Variants in FBN1 observed in about 807,000 individuals in gnomAD.
FBN1 encodes the protein fibrillin-1.
FBN1 carries 29 observed loss-of-function variants against 365.1 expected under a neutral mutation model. That is an observed-to-expected ratio of 0.08 (90% confidence interval 0.06 to 0.11). FBN1 has a LOEUF of 0.11. FBN1 is among the 10% of genes least tolerant of loss of function. The pLI is 1.00. For synonymous variants in FBN1, 1,210 were observed against 1,270.5 expected (o/e 0.95, Z 1.01); for missense variants, 2,476 against 3,703.2 (o/e 0.67, Z 8.60).
intron 6 of FBN1, among the ~76,000 whole-genome samples, chr15:48,589,771 G>T (rs1206259651): frequency 6.6e-6 from 1 of 151,804 alleles, no homozygotes; most frequent in Non-Finnish European, 1.5e-5. Context: ...CCACCACCAC[G>T]CCCGGCTAAT....
Position 48,568,490 on chromosome 15 carries a change from G to A in FBN1, c.538+27793C>T, listed in dbSNP as rs2044278587. ...TCAAAATCTCAATGCAATGTTTTGTGGAAACTGACAAGTTGAAGGTAAAAT... is the reference window on the plus strand; with the variant it reads ...TCAAAATCTCAATGCAATGTTTTGTAGAAACTGACAAGTTGAAGGTAAAAT... On this transcript the variant is annotated intron_variant, in intron 6 of 65. Transcript: ENST00000316623. 2.6e-5 allele frequency among the ~76,000 whole-genome samples: 4 copies of A among 152,108 alleles called. No homozygotes were observed. In the South Asian group the frequency reaches 8.3e-4, roughly 32 times the overall value.
In FBN1 at chr15:48,413,009, T is replaced by C. The variant is rs16960901; in HGVS notation, c.8052-266A>G. On this transcript the variant is annotated intron_variant, in intron 64 of 65. Transcript: ENST00000316623. Reference sequence around the variant, plus strand: ...TATCTCTTCATTCCCAAACCTAACATGGAAAGCATTTTGCAGTACTTATAC... The same window carrying C: ...TATCTCTTCATTCCCAAACCTAACACGGAAAGCATTTTGCAGTACTTATAC... Among the ~76,000 whole-genome samples, 99,645 of 152,100 alleles carry C rather than the reference T, an allele frequency of 0.66. 34,031 individuals carry two copies. Among genetic ancestry groups the C allele is most frequent in the Middle Eastern group, 0.78 (228 of 294 alleles).
intron 32 of FBN1, among the ~76,000 whole-genome samples, chr15:48,477,786 A>G (rs1432773659): frequency 6.6e-6 from 1 of 152,242 alleles, no homozygotes; most frequent in Non-Finnish European, 1.5e-5. Context: ...TAAGAATAGC[A>G]TAAGCCAAGA....
At chr15:48,439,085 G>T (rs1322311655) in intron 50 of FBN1, among the ~76,000 whole-genome samples, 2 of 152,132 alleles carry the variant, frequency 1.3e-5, no homozygotes, top group Non-Finnish European at 2.9e-5. Context: ...AGTCTCACCA[G>T]CTTTTATTTC....
intron 43 of FBN1, among the ~76,000 whole-genome samples, chr15:48,458,350 T>C (rs1240129681): frequency 6.6e-6 from 1 of 152,212 alleles, no homozygotes; most frequent in Non-Finnish European, 1.5e-5. Flanking sequence ...TGATTTTGTG[T>C]GAAGGCAAAA....
Position 48,644,809 on chromosome 15 carries a change from GC to G in FBN1, c.-41del. ...ACCGGCTCCCGCCGCCTCTTGCCGC[GC>G]CCGGGGCTCGGTCTGCGGCCGCCGC... On this transcript the variant is annotated 5_prime_UTR_variant, in exon 2 of 66. Coordinates refer to ENST00000316623, the MANE Select transcript of FBN1 (RefSeq NM_000138.5). 1 of 1,590,346 alleles carries G rather than the reference GC, an allele frequency of 6.3e-7. No individual in the cohort carries two copies. Among genetic ancestry groups the G allele is most frequent in the African/African-American group, 1.3e-5 (1 of 74,592 alleles).
At chr15:48,630,875 G>A (rs776873092) in intron 2 of FBN1, among the ~76,000 whole-genome samples, 11 of 152,220 alleles carry the variant, frequency 7.2e-5, no homozygotes, top group Non-Finnish European at 1.2e-4. Flanking sequence ...TAAGTAATTT[G>A]AACATTTTCA....
intron 7 of FBN1, among the ~76,000 whole-genome samples, chr15:48,534,710 A>G (rs2044000701): frequency 6.6e-6 from 1 of 152,224 alleles, no homozygotes; most frequent in African/African-American, 2.4e-5. Flanking sequence ...CGAGACAGCT[A>G]ATGTTTTTGC....
chr15:48,441,895 C>T (rs1473883484), intron 49 of FBN1, 49 bp from the exon 50 acceptor site: 1 of 1,601,998 alleles, frequency 6.2e-7, no homozygotes, highest in Non-Finnish European at 8.5e-7. Context: ...ATGGAGACAT[C>T]ATCAGGTACC....
chr15:48,411,480 C>T (rs2042863676), intron 65 of FBN1, 101 bp from the exon 66 acceptor site: 1 of 1,030,424 alleles, frequency 9.7e-7, no homozygotes, highest in Non-Finnish European at 1.5e-6. Flanking sequence ...ATACAATTTT[C>T]TGCCTTATGC....
intron 53 of FBN1, among the ~76,000 whole-genome samples, chr15:48,435,321 G>GATT (rs1566895455): frequency 6.7e-6 from 1 of 150,308 alleles, no homozygotes; most frequent in African/African-American, 2.4e-5. Flanking sequence ...ATGCTCTAAG[G>GATT]GTTAAAAAAA....
chr15:48,547,906 C>T (rs2044108465), intron 6 of FBN1, among the ~76,000 whole-genome samples: 2 of 152,002 alleles, frequency 1.3e-5, no homozygotes, highest in Admixed American at 1.3e-4. Context: ...CTGAACTCAG[C>T]TGAAGAAAGA....
chr15:48,489,897 G>A lies in FBN1; in HGVS notation c.3036C>T (p.Pro1012=), dbSNP rs766194667. The A allele has an allele frequency of 5.0e-6, 8 of 1,613,906 alleles. No individual in the cohort carries two copies. The highest frequency in any genetic ancestry group is 4.5e-5 in the East Asian group (2 of 44,884). Residue 1012 remains proline, a synonymous_variant, in exon 25 of 66, where the codon CCC becomes CCT. Transcript: ENST00000316623. ...TTGTAATTTCTTTTGTGGCAAATCC[G>A]GGTCCTCTCGGACACAGCTCCTCGT... is the stretch of plus-strand genomic sequence containing the variant. ...PEYEELCPRG[P]GFATKEITNG... is the part of the protein sequence containing the mutation.
In FBN1 at chr15:48,428,384, T is replaced by A. The variant is rs794728261; in HGVS notation, c.6959A>T (p.Asp2320Val). Residue 2320 changes from aspartate (D) to valine (V), a missense_variant, in exon 57 of 66, where the codon GAT (aspartate) becomes GTT (valine). By Grantham distance (152) the Asp-to-Val change is radical (BLOSUM62 -3). This residue lies in a region of FBN1 where 1,780 missense variants were observed against 2,840.8 expected (regional missense o/e 0.63). Transcript: ENST00000316623. ...TRGSYTCECN[D>V]GFTASPNQDE... is the part of the protein sequence containing the mutation. ...CTGGTTGGGGCTGGCGGTAAACCCA[T>A]CATTACACTCACAGGTGTAGCTCCC... 6.2e-6 allele frequency: 10 copies of A among 1,614,100 alleles called. No individual in the cohort carries two copies. The highest frequency in any genetic ancestry group is 8.5e-6 in the Non-Finnish European group (10 of 1,179,980).
intron 6 of FBN1, among the ~76,000 whole-genome samples, chr15:48,561,444 A>G (rs1457329188): frequency 6.6e-6 from 1 of 152,184 alleles, no homozygotes; most frequent in Non-Finnish European, 1.5e-5. Context: ...ATATTCACTG[A>G]AAAGTCTTCC....
chr15:48,579,464 CA>C (rs2044374829), intron 6 of FBN1, among the ~76,000 whole-genome samples: 2 of 152,084 alleles, frequency 1.3e-5, no homozygotes, highest in Non-Finnish European at 2.9e-5. Context: ...ACTACCATCT[CA>C]AAAAAGCAGG....
At chr15:48,604,760 C>A (rs2044593502) in intron 4 of FBN1, among the ~76,000 whole-genome samples, 1 of 152,194 alleles carries the variant, frequency 6.6e-6, no homozygotes, top group Non-Finnish European at 1.5e-5. Context: ...TCAAGGAGGA[C>A]TTCTTCCAGA....
intron 6 of FBN1, among the ~76,000 whole-genome samples, chr15:48,567,795 C>G (rs2044268408): frequency 6.6e-6 from 1 of 151,848 alleles, no homozygotes; most frequent in African/African-American, 2.4e-5. Context: ...AAAACATAAA[C>G]AGAAAGAAAC....
At chr15:48,569,442 A>G (rs1566929061) in intron 6 of FBN1, among the ~76,000 whole-genome samples, 1 of 152,164 alleles carries the variant, frequency 6.6e-6, no homozygotes, top group Admixed American at 6.5e-5. Context: ...TAAACTTGGC[A>G]TATAATCCAG....
Sources: gnomAD v4.1 joint callset for allele counts (sites outside exome capture counted in the v4.1 genomes callset) on GRCh38, gnomAD v4.1.1 for gene constraint, gnomAD v4.1.1 regional missense constraint, MANE v1.5 for transcripts, NCBI Gene and HGNC (gene_info 2026-07-23, HGNC 2026-07-21) for gene names.